PHF23: variants seen among roughly 807,000 people sequenced by gnomAD.
PHF23 encodes the protein PHD finger protein 23, also known as PDH-containing protein JUNE-1.
A neutral mutation model predicts 36.0 loss-of-function variants in PHF23; 3 were observed. That is an observed-to-expected ratio of 0.08 (90% CI 0.04 to 0.22). The LOEUF is 0.22. PHF23 is among the 10% of genes least tolerant of loss of function. PHF23 has a pLI of 1.00. For missense variants in PHF23, 475 were observed against 513.6 expected, an observed-to-expected ratio of 0.92 and a Z score of 0.73; for synonymous variants, 242 against 192.5, an observed-to-expected ratio of 1.26 and a Z score of -2.13.
At chr17:7,237,789 A>G in intron 1 of PHF23, 129 bp from the exon 2 acceptor site, 2 of 1,116,288 alleles carry the variant, frequency 1.8e-6, no homozygotes, top group Non-Finnish European at 2.6e-6. Flanking sequence ...GCAGGCCCCC[A>G]GCTGTGTTGG....
chr17:7,237,861 G>A, intron 1 of PHF23: 1 of 618,042 alleles, frequency 1.6e-6, no homozygotes, highest in Non-Finnish European at 2.8e-6. Context: ...CGCCCTCTGA[G>A]GCCTCGCTAT....
intron 3 of PHF23, 147 bp downstream of exon 3, chr17:7,237,238 C>T: frequency 1.3e-6 from 1 of 750,524 alleles, no homozygotes; most frequent in Non-Finnish European, 2.2e-6. Context: ...AGCTTTCCTA[C>T]CACAGCCCTA....
Position 7,235,559 on chromosome 17 carries a change from G to A in PHF23, c.*67C>T. The A allele has an allele frequency of 2.1e-5, 32 of 1,518,926 alleles. No homozygotes were observed. Among genetic ancestry groups the A allele is most frequent in the Non-Finnish European group, 2.8e-5 (31 of 1,106,592 alleles). The allele number at this position is 1,518,926 out of a possible 1,614,324, so 94.1% of individuals were successfully genotyped here. ...GTATCCAAGCTCCAGGGGATAGGCT[G>A]AGGACCCTGAGGCTCAGTTCCCAAA... On this transcript the variant is annotated 3_prime_UTR_variant, in exon 5 of 5. Coordinates refer to ENST00000320316, the MANE Select transcript of PHF23 (RefSeq NM_024297.3).
Position 7,239,092 on chromosome 17 carries a change from C to G in PHF23, c.34+154G>C, listed in dbSNP as rs1183189502. Among the ~76,000 whole-genome samples the G allele has an allele frequency of 2.6e-5, 4 of 152,082 alleles. No individual in the cohort carries two copies. The East Asian group carries it at 7.7e-4, about 29-fold the overall frequency. ...TTTCCCACTCCTCTTTCTCCAAGGTCTCTCAACTCGTCGCTCTCCCACCTC... is the reference window on the plus strand; with the variant it reads ...TTTCCCACTCCTCTTTCTCCAAGGTGTCTCAACTCGTCGCTCTCCCACCTC... On this transcript the variant is annotated intron_variant, in intron 1 of 4. Coordinates refer to ENST00000320316, the MANE Select transcript of PHF23 (RefSeq NM_024297.3).
intron 1 of PHF23, 95 bp from the exon 2 acceptor site, chr17:7,237,755 C>G: frequency 2.1e-6 from 3 of 1,421,012 alleles, no homozygotes; most frequent in Non-Finnish European, 3.0e-6. Context: ...ACCCCCTGCT[C>G]TCCCAGGTCC....
intron 1 of PHF23, 83 bp from the exon 2 acceptor site, chr17:7,237,743 G>A: frequency 6.6e-7 from 1 of 1,504,096 alleles, no homozygotes; most frequent in Non-Finnish European, 9.2e-7. Flanking sequence ...GTTCCTAAGT[G>A]AACCCCCTGC....
chr17:7,236,731 A>G lies in PHF23; in HGVS notation c.196T>C (p.Leu66=), dbSNP rs1176311523. 12 of 1,613,506 alleles carry G rather than the reference A, an allele frequency of 7.4e-6. No homozygotes were observed. The highest frequency in any genetic ancestry group is 2.2e-5 in the South Asian group (2 of 91,078). The change falls in exon 4 of 5, where the codon TTG becomes CTG. Residue 66 remains leucine (L), a synonymous_variant. Transcript: ENST00000320316. This position sits in a 1 kb window ranked among gnomAD's most constrained non-coding sequence, Gnocchi z 5.1. ...CTGTCGGCCGCACTCTCTCCTCGCA[A>G]TGGAGAGCTGGAGCCAGAGGCTGGC... ...DWPASGSSSP[L]RGESAADSDG...
Position 7,236,847 on chromosome 17 carries a change from T to G in PHF23, c.160-80A>C. 1 of 1,509,388 alleles carries G rather than the reference T, an allele frequency of 6.6e-7. No individual in the cohort carries two copies. The highest frequency in any genetic ancestry group is 8.8e-7 in the Non-Finnish European group (1 of 1,139,090). 93.5% of individuals were successfully genotyped at this position (1,509,388 alleles called of 1,614,324 possible). On this transcript the variant is annotated intron_variant, in intron 3 of 4. Coordinates refer to ENST00000320316, the MANE Select transcript of PHF23 (RefSeq NM_024297.3). This position sits in a 1 kb window ranked among gnomAD's most constrained non-coding sequence, Gnocchi z 5.1. ...TCCACAAACCCAGCTTGAAAAGGAG[T>G]GACTGGATTTACCCCAAAATGTCCT... is the stretch of plus-strand genomic sequence containing the variant.
Position 7,236,109 on chromosome 17 carries a change from G to A in PHF23, c.818C>T (p.Pro273Leu). Residue 273 changes from proline (P) to leucine (L), a missense_variant, in exon 4 of 5, where the codon CCT (proline) becomes CTT (leucine). Physicochemically the swap from Pro to Leu is moderately conservative, Grantham distance 98. Transcript: ENST00000320316. The surrounding 1 kb of genome is among the most constrained non-coding windows in gnomAD (Gnocchi z 5.1). ...ATVVGGEAPVPVLPTPPEAPR... is the reference protein window; with the variant it reads ...ATVVGGEAPVLVLPTPPEAPR... ...AGCCTCAGGGGGTGTTGGCAGCACA[G>A]GGACTGGGGCTTCACCCCCTACCAC... 1 of 1,612,330 alleles carries A rather than the reference G, an allele frequency of 6.2e-7. No individual in the cohort carries two copies. The highest frequency in any genetic ancestry group is 8.5e-7 in the Non-Finnish European group (1 of 1,179,152).
upstream of PHF23, chr17:7,240,772 T>C (rs2071767705): frequency 1.1e-6 from 1 of 889,904 alleles, no homozygotes; most frequent in Non-Finnish European, 1.9e-6. Context: ...GTGTTTGAGC[T>C]TGAAGGAGGA....
At position 7,239,268 on chromosome 17, in the gene PHF23, G is replaced by C. The variant is rs371611509; in HGVS notation, c.12C>G (p.Ala4=). ...CACCTTCGGGACTGGGCTCCGCCAT[G>C]GCTTCCAGCATCGCCCCCTCCCCTC... The part of the protein sequence containing the change: MLE[A]MAEPSPEDPP... The change falls in exon 1 of 5, where the codon GCC becomes GCG. Residue 4 remains alanine (A), a synonymous_variant. Coordinates refer to ENST00000320316, the MANE Select transcript of PHF23 (RefSeq NM_024297.3). 4.8e-4 allele frequency: 731 copies of C among 1,535,608 alleles called. 1 individual carries two copies. Among genetic ancestry groups the C allele is most frequent in the Non-Finnish European group, 6.0e-4 (667 of 1,119,886 alleles).
At chr17:7,238,927 C>T (rs2071738938) in intron 1 of PHF23, 2 of 1,523,596 alleles carry the variant, frequency 1.3e-6, no homozygotes, top group Non-Finnish European at 1.8e-6. Context: ...ACTCTCCGGC[C>T]ACTGGATTCC....
At position 7,235,376 on chromosome 17, in the gene PHF23, A is replaced by AC; in HGVS notation, c.*249dup. On this transcript the variant is annotated 3_prime_UTR_variant, in exon 5 of 5. Coordinates refer to ENST00000320316, the MANE Select transcript of PHF23 (RefSeq NM_024297.3). ...AAAGTGATGGTGGCAGGTCCAAGAG[A>AC]CAGAGATTATGTGTCGGGACACAGA... 1 of 526,322 alleles carries AC rather than the reference A, an allele frequency of 1.9e-6. No individual in the cohort carries two copies. The highest frequency in any genetic ancestry group is 5.2e-4 in the Middle Eastern group (1 of 1,908). 32.6% of individuals were successfully genotyped at this position (526,322 alleles called of 1,614,324 possible). A position where few individuals can be genotyped will look rare whatever the true frequency, so the allele number is the denominator to read the frequency against.
Position 7,237,784 on chromosome 17 carries a change from C to G in PHF23, c.35-124G>C, listed in dbSNP as rs1269261207. 2.6e-6 allele frequency: 3 copies of G among 1,155,660 alleles called. No individual in the cohort carries two copies. In the Admixed American group the frequency reaches 5.9e-5, roughly 23 times the overall value. The allele number at this position is 1,155,660 out of a possible 1,614,324, so 71.6% of individuals were successfully genotyped here. A position where few individuals can be genotyped will look rare whatever the true frequency, so the allele number is the denominator to read the frequency against. On this transcript the variant is annotated intron_variant, in intron 1 of 4. Transcript: ENST00000320316. ...CAGGTCCCTCTGCCAGGCCAGCAGG[C>G]CCCCAGCTGTGTTGGATCCGCCCCG...
Position 7,236,171 on chromosome 17 carries a change from TTCCTCC to T in PHF23, c.750_755del (p.Glu260_Glu261del). 1 of 1,610,682 alleles carries T rather than the reference TTCCTCC, an allele frequency of 6.2e-7. No individual in the cohort carries two copies. Among genetic ancestry groups the T allele is most frequent in the Non-Finnish European group, 8.5e-7 (1 of 1,178,186 alleles). On this transcript the variant is annotated inframe_deletion, in exon 4 of 5. Coordinates refer to ENST00000320316, the MANE Select transcript of PHF23 (RefSeq NM_024297.3). This position sits in a 1 kb window ranked among gnomAD's most constrained non-coding sequence, Gnocchi z 5.1. ...CTTCTTCTTCTTCCTCTTCCTCCTC[TTCCTCC>T]TCCTCTTCAGAGTCTGTATCACTGG...
upstream of PHF23, chr17:7,239,565 C>A: frequency 2.9e-6 from 1 of 345,418 alleles, no homozygotes; most frequent in South Asian, 3.4e-5. Context: ...CTCCCCCCGC[C>A]GGCGCCGAGG....
At position 7,239,241 on chromosome 17, in the gene PHF23, C is replaced by T; in HGVS notation, c.34+5G>A. On this transcript the variant is annotated splice_donor_5th_base_variant and intron_variant, in intron 1 of 4. Transcript: ENST00000320316. ...CTCAGCGCTCTGCACCGGTCGAGAG[C>T]TCACCTTCGGGACTGGGCTCCGCCA... 1 of 1,543,088 alleles carries T rather than the reference C, an allele frequency of 6.5e-7. No homozygotes were observed. Among genetic ancestry groups the T allele is most frequent in the Non-Finnish European group, 8.9e-7 (1 of 1,128,546 alleles).
chr17:7,236,652 T>C lies in PHF23; in HGVS notation c.275A>G (p.Lys92Arg), dbSNP rs1384133656. The C allele has an allele frequency of 1.2e-6, 2 of 1,614,022 alleles. No homozygotes were observed. The highest frequency in any genetic ancestry group is 1.3e-5 in the African/African-American group (1 of 74,902). ...CCTTCTCTTGGATGACTTTGCTTTC[T>C]TAACAAAAGTCTGGATGGTTCGAAG... ...SDLRTIQTFV[K>R]KAKSSKRRAA... is the part of the protein sequence containing the mutation. The change falls in exon 4 of 5, where the codon AAG becomes AGG. Residue 92 changes from lysine to arginine, a missense_variant. Lys to Arg is a conservative substitution (Grantham distance 26, BLOSUM62 2). Coordinates refer to ENST00000320316, the MANE Select transcript of PHF23 (RefSeq NM_024297.3). This position sits in a 1 kb window ranked among gnomAD's most constrained non-coding sequence, Gnocchi z 5.1.
chr17:7,239,061 G>A lies in PHF23; in HGVS notation c.34+185C>T, dbSNP rs1290586775. ...CACCGTCTGATCTCCAACTACCCCA[G>A]CCCAGTTTCCCACTCCTCTTTCTCC... On this transcript the variant is annotated intron_variant, in intron 1 of 4. Transcript: ENST00000320316. 27 of 1,261,180 alleles carry A rather than the reference G, an allele frequency of 2.1e-5. No homozygotes were observed. The South Asian group carries it at 3.1e-4, about 15-fold the overall frequency. 78.1% of individuals were successfully genotyped at this position (1,261,180 alleles called of 1,614,324 possible).
Sources: gnomAD v4.1 joint callset for allele counts (sites outside exome capture counted in the v4.1 genomes callset) on GRCh38, gnomAD v4.1.1 for gene constraint, Gnocchi (gnomAD v3.1) non-coding constraint, MANE v1.5 for transcripts, NCBI Gene and HGNC (gene_info 2026-07-23, HGNC 2026-07-21) for gene names.